Variants in ODF4 observed in about 807,000 individuals in gnomAD.
ODF4 encodes the protein outer dense fiber of sperm tails 4, also known as outer dense fiber protein 4.
A neutral mutation model predicts 17.0 loss-of-function variants in ODF4; 11 were observed. That is an observed-to-expected ratio of 0.65 (90% CI 0.41 to 1.07). ODF4 has a LOEUF of 1.07. Ranked by LOEUF, ODF4 falls within the 50% of genes least tolerant of loss-of-function variation. The pLI is 0.00. For missense variants in ODF4, 281 were observed against 310.2 expected (o/e 0.91, Z 0.71); for synonymous variants, 127 against 121.8 (o/e 1.04, Z -0.28).
At chr17:8,340,539 C>T (rs368375219) in intron 1 of ODF4, 34 bp downstream of exon 1, 48 of 1,365,046 alleles carry the variant, frequency 3.5e-5, no homozygotes, top group Non-Finnish European at 3.9e-5. Context: ...CAGCCCAGGC[C>T]GCCAGCCTGT....
At position 8,341,844 on chromosome 17, in the gene ODF4, A is replaced by C. The variant is rs536722168; in HGVS notation, c.454+1339A>C. Among the ~76,000 whole-genome samples the C allele has an allele frequency of 6.6e-5, 10 of 152,280 alleles. No homozygotes were observed. The South Asian group carries it at 2.1e-3, about 32-fold the overall frequency. On this transcript the variant is annotated intron_variant, in intron 1 of 2. Transcript: ENST00000328248. Reference sequence around the variant, plus strand: ...ATTATGTCCTTATCATATGAATATGAAAATATTCATATAATGAATTATGAA... The same window carrying C: ...ATTATGTCCTTATCATATGAATATGCAAATATTCATATAATGAATTATGAA...
rs141324893 is a variant in ODF4, at chr17:8,340,087, G to A, written c.36G>A (p.Arg12=). Residue 12 remains arginine (R), a synonymous_variant, in exon 1 of 3, where the codon AGG becomes AGA. Transcript: ENST00000328248. ...DAEYSGNEFP[R]SEGERDQHQR... ...AGTACTCTGGGAATGAGTTCCCCAG[G>A]TCAGAAGGAGAAAGAGACCAACATC... is the stretch of plus-strand genomic sequence containing the variant. The A allele has an allele frequency of 8.6e-4, 1,314 of 1,530,290 alleles. No individual in the cohort carries two copies. Among genetic ancestry groups the A allele is most frequent in the Non-Finnish European group, 1.1e-3 (1,208 of 1,141,522 alleles). The allele number at this position is 1,530,290 out of a possible 1,614,324, so 94.8% of individuals were successfully genotyped here. A position where few individuals can be genotyped will look rare whatever the true frequency, so the allele number is the denominator to read the frequency against.
At chr17:8,340,590 C>T (rs962933605) in intron 1 of ODF4, 85 bp downstream of exon 1, 6 of 769,212 alleles carry the variant, frequency 7.8e-6, no homozygotes, top group Non-Finnish European at 8.4e-6. Flanking sequence ...TTCTTGTTCC[C>T]TCTTTCTGGT....
chr17:8,342,895 CT>C (rs1192795624), intron 1 of ODF4, among the ~76,000 whole-genome samples: 276 of 144,840 alleles, frequency 1.9e-3, no homozygotes, highest in Middle Eastern at 3.5e-3. Context: ...TGCCTGGCTA[CT>C]TTTTTTTTTT....
rs757503872 is a variant in ODF4 at position 8,345,529 on chromosome 17, C to T, written c.589+52C>T. 2.5e-6 allele frequency: 4 copies of T among 1,596,764 alleles called. No homozygotes were observed. In the Admixed American group the frequency reaches 5.1e-5, roughly 20 times the overall value. ...AGGAAGCGACATGGGTAGGGTAGGG[C>T]AGGGAAAGTGTGGAGGGAAGAGGCT... On this transcript the variant is annotated intron_variant, in intron 2 of 2. Coordinates refer to ENST00000328248, the MANE Select transcript of ODF4 (RefSeq NM_153007.5). This position sits in a 1 kb window ranked among gnomAD's most constrained non-coding sequence, Gnocchi z 4.1.
rs778061210 is a variant in ODF4, at chr17:8,340,209, G to A, written c.158G>A (p.Ser53Asn). ...CTGCTGTCCTCCACCCTCTCCCTCA[G>A]TAGTAACAGGTCCTTGGGCCAGCGC... is the stretch of plus-strand genomic sequence containing the variant. Reference protein sequence around the residue: ...GRLLSSTLSLSSNRSLGQRQN... With the variant: ...GRLLSSTLSLNSNRSLGQRQN... Residue 53 changes from serine (S) to asparagine (N), a missense_variant, in exon 1 of 3, where the codon AGT (serine) becomes AAT (asparagine). By Grantham distance (46) the Ser-to-Asn change is conservative. Transcript: ENST00000328248. 6 of 1,613,424 alleles carry A rather than the reference G, an allele frequency of 3.7e-6. No individual in the cohort carries two copies. The South Asian group carries it at 6.6e-5, about 18-fold the overall frequency.
Position 8,345,609 on chromosome 17 carries a change from A to G in ODF4, c.590-59A>G. ...CTTATCTTCCCTTTGGTCTCACCCTACTTGTCACTTAACCTCCCAGTCACA... is the reference window on the plus strand; with the variant it reads ...CTTATCTTCCCTTTGGTCTCACCCTGCTTGTCACTTAACCTCCCAGTCACA... On this transcript the variant is annotated intron_variant, in intron 2 of 2. Coordinates refer to ENST00000328248, the MANE Select transcript of ODF4 (RefSeq NM_153007.5). This position sits in a 1 kb window ranked among gnomAD's most constrained non-coding sequence, Gnocchi z 4.1. 1 of 1,548,674 alleles carries G rather than the reference A, an allele frequency of 6.5e-7. No individual in the cohort carries two copies. Among genetic ancestry groups the G allele is most frequent in the Non-Finnish European group, 8.9e-7 (1 of 1,125,186 alleles).
At chr17:8,344,815 T>C (rs2151658265) in intron 1 of ODF4, 1 of 956,214 alleles carries the variant, frequency 1.0e-6, no homozygotes. Flanking sequence ...GCTCATTTGA[T>C]TATGTTTCAT....
chr17:8,340,543 A>G, intron 1 of ODF4, 38 bp downstream of exon 1: 1 of 1,341,340 alleles, frequency 7.5e-7, no homozygotes, highest in Non-Finnish European at 1.1e-6. Context: ...CCAGGCCGCC[A>G]GCCTGTCTTG....
chr17:8,341,252 C>A (rs895961845), intron 1 of ODF4, among the ~76,000 whole-genome samples: 1 of 152,040 alleles, frequency 6.6e-6, no homozygotes. Context: ...CATTAATCGC[C>A]TAATTTACCA....
chr17:8,345,526 G>A lies in ODF4; in HGVS notation c.589+49G>A, dbSNP rs111377444. The A allele has an allele frequency of 2.2e-5, 35 of 1,601,938 alleles. No homozygotes were observed. The highest frequency in any genetic ancestry group is 2.1e-4 in the African/African-American group (16 of 74,698). ...GGAAGGAAGCGACATGGGTAGGGTA[G>A]GGCAGGGAAAGTGTGGAGGGAAGAG... On this transcript the variant is annotated intron_variant, in intron 2 of 2. Coordinates refer to ENST00000328248, the MANE Select transcript of ODF4 (RefSeq NM_153007.5). The surrounding 1 kb of genome is among the most constrained non-coding windows in gnomAD (Gnocchi z 4.1).
rs566379650 is a variant in ODF4, at chr17:8,339,911, C to T, written c.-141C>T. The T allele has an allele frequency of 1.8e-3, 959 of 522,204 alleles. 3 individuals are homozygous for T. Among genetic ancestry groups the T allele is most frequent in the Non-Finnish European group, 2.4e-3 (736 of 304,002 alleles). 32.3% of individuals were successfully genotyped at this position (522,204 alleles called of 1,614,324 possible). A position where few individuals can be genotyped will look rare whatever the true frequency, so the allele number is the denominator to read the frequency against. ...TTGGATCAAGAGTCTCTTATTTGAT[C>T]GAGGTCTGTTATTAGACTTCCTCAT... On this transcript the variant is annotated 5_prime_UTR_variant, in exon 1 of 3. Coordinates refer to ENST00000328248, the MANE Select transcript of ODF4 (RefSeq NM_153007.5).
chr17:8,341,758 T>G (rs1906029405), intron 1 of ODF4, among the ~76,000 whole-genome samples: 1 of 138,180 alleles, frequency 7.2e-6, no homozygotes. Context: ...TTGACCCTTA[T>G]TTCCATTTTT....
intron 1 of ODF4, among the ~76,000 whole-genome samples, chr17:8,342,830 C>T (rs1204914389): frequency 6.6e-6 from 1 of 151,978 alleles, no homozygotes; most frequent in Admixed American, 6.6e-5. Context: ...CTGCTGGGCC[C>T]AAGTGATCCT....
chr17:8,344,867 C>T, intron 1 of ODF4: 2 of 986,932 alleles, frequency 2.0e-6, no homozygotes, highest in Non-Finnish European at 2.4e-6. Context: ...TTGTCATTTT[C>T]CCCAGGCAGT....
At position 8,345,818 on chromosome 17, in the gene ODF4, T is replaced by C. The variant is rs1906226172; in HGVS notation, c.740T>C (p.Val247Ala). 1.2e-6 allele frequency: 2 copies of C among 1,613,456 alleles called. No individual in the cohort carries two copies. Among genetic ancestry groups the C allele is most frequent in the Non-Finnish European group, 1.7e-6 (2 of 1,179,914 alleles). ...GACACCCCCATCACCCAGGAGGGAG[T>C]CCTGGATCCTGAGCAGAAGGATACA... Reference protein sequence around the residue: ...ITDTPITQEGVLDPEQKDTHV With the variant: ...ITDTPITQEGALDPEQKDTHV Residue 247 changes from valine (V) to alanine (A), a missense_variant, in exon 3 of 3, where the codon GTC becomes GCC. Physicochemically the swap from Val to Ala is moderately conservative, Grantham distance 64. Coordinates refer to ENST00000328248, the MANE Select transcript of ODF4 (RefSeq NM_153007.5). This position sits in a 1 kb window ranked among gnomAD's most constrained non-coding sequence, Gnocchi z 4.1.
chr17:8,342,832 A>G (rs972456125), intron 1 of ODF4, among the ~76,000 whole-genome samples: 1 of 151,898 alleles, frequency 6.6e-6, no homozygotes, highest in African/African-American at 2.4e-5. Context: ...GCTGGGCCCA[A>G]GTGATCCTCC....
intron 1 of ODF4, among the ~76,000 whole-genome samples, chr17:8,344,096 T>C (rs1906137595): frequency 7.9e-6 from 1 of 126,020 alleles, no homozygotes; most frequent in South Asian, 2.4e-4. Flanking sequence ...ACACCAATTG[T>C]ATATTTTTAA....
Position 8,345,978 on chromosome 17 carries a change from C to A in ODF4, c.*126C>A. On this transcript the variant is annotated 3_prime_UTR_variant, in exon 3 of 3. Coordinates refer to ENST00000328248, the MANE Select transcript of ODF4 (RefSeq NM_153007.5). The surrounding 1 kb of genome is among the most constrained non-coding windows in gnomAD (Gnocchi z 4.1). The stretch of plus-strand genomic sequence containing the variant: ...AATGAGAAAGGGAGGATTTTGCACT[C>A]CTCTGCTTTCTCCCTGCCTTGATTG... The A allele has an allele frequency of 1.4e-6, 1 of 690,086 alleles. No individual in the cohort carries two copies. Among genetic ancestry groups the A allele is most frequent in the Non-Finnish European group, 2.4e-6 (1 of 408,446 alleles). The allele number at this position is 690,086 out of a possible 1,614,324, so 42.7% of individuals were successfully genotyped here.
Sources: allele counts gnomAD v4.1 joint callset (sites outside exome capture counted in the v4.1 genomes callset), GRCh38; gene constraint gnomAD v4.1.1; non-coding constraint Gnocchi (gnomAD v3.1); transcripts MANE v1.5; gene names NCBI Gene and HGNC (gene_info 2026-07-23, HGNC 2026-07-21).